SPTBN1: variants seen among roughly 807,000 people sequenced by gnomAD.
The protein encoded by SPTBN1 is spectrin beta chain, non-erythrocytic 1.
In SPTBN1, 32 loss-of-function variants were observed where a neutral mutation model predicts 266.4. The observed-to-expected ratio is 0.12, with a 90% CI of 0.09 to 0.16. The LOEUF is 0.16. Ranked by LOEUF, SPTBN1 falls within the 10% of genes least tolerant of loss-of-function variation. The probability of loss-of-function intolerance (pLI) is 1.00; values close to 1 mark genes in which losing one functional copy is unlikely to be tolerated. For synonymous variants in SPTBN1, 1,336 were observed against 1,162.2 expected (o/e 1.15, Z -3.04); for missense variants, 2,296 against 3,067.1 (o/e 0.75, Z 5.94).
intron 1 of SPTBN1, among the ~76,000 whole-genome samples, chr2:54,507,283 C>T (rs1043513063): frequency 2.0e-5 from 3 of 151,852 alleles, no homozygotes; most frequent in Admixed American, 1.3e-4. Context: ...AGCTTGGGCT[C>T]AGAGGCCTGA....
At chr2:54,584,086 G>A (rs1675124661) in intron 2 of SPTBN1, among the ~76,000 whole-genome samples, 1 of 152,120 alleles carries the variant, frequency 6.6e-6, no homozygotes, top group Admixed American at 6.6e-5. Context: ...TTTTTATGCA[G>A]TTACTTACAT....
chr2:54,575,920 C>G (rs1243081611), intron 2 of SPTBN1, among the ~76,000 whole-genome samples: 1 of 152,084 alleles, frequency 6.6e-6, no homozygotes, highest in East Asian at 1.9e-4. Flanking sequence ...ACCTGTAGTA[C>G]GAGAAACATG....
chr2:54,542,666 C>A (rs1174866361), intron 2 of SPTBN1, among the ~76,000 whole-genome samples: 1 of 152,134 alleles, frequency 6.6e-6, no homozygotes, highest in Non-Finnish European at 1.5e-5. Context: ...TTTTAGGGGA[C>A]TGTTGTGTTC....
Position 54,660,533 on chromosome 2 carries a change from C to T in SPTBN1, c.6420+534C>T, listed in dbSNP as rs17046095. 2.1e-3 allele frequency: 2,059 copies of T among 986,044 alleles called. 46 individuals carry two copies. The African/African-American group carries it at 0.034, about 16-fold the overall frequency. The allele number at this position is 986,044 out of a possible 1,614,324, so 61.1% of individuals were successfully genotyped here. On this transcript the variant is annotated intron_variant, in intron 32 of 35. Transcript: ENST00000356805. Reference sequence around the variant, plus strand: ...ACTGGTGTATGAGGAGGGAGACATTCTGTAATAAGATTAAAACCTAAAGTC... The same window carrying T: ...ACTGGTGTATGAGGAGGGAGACATTTTGTAATAAGATTAAAACCTAAAGTC...
chr2:54,618,044 G>T, intron 6 of SPTBN1, 34 bp from the exon 7 acceptor site: 3 of 1,535,600 alleles, frequency 2.0e-6, no homozygotes, highest in South Asian at 2.3e-5. Context: ...TTCAAGCCAT[G>T]ATTTTTGTTG....
chr2:54,648,376 A>AG (rs1680054585), intron 24 of SPTBN1, among the ~76,000 whole-genome samples: 1 of 152,062 alleles, frequency 6.6e-6, no homozygotes, highest in African/African-American at 2.4e-5. Flanking sequence ...AGTTGGAGGG[A>AG]GGGGGATTCA....
At position 54,625,231 on chromosome 2, in the gene SPTBN1, A is replaced by T. The variant is rs549967492; in HGVS notation, c.1341+269A>T. Among the ~76,000 whole-genome samples the T allele has an allele frequency of 3.3e-5, 5 of 152,324 alleles. No individual in the cohort carries two copies. The South Asian group carries it at 6.2e-4, about 19-fold the overall frequency. On this transcript the variant is annotated intron_variant, in intron 11 of 35. Transcript: ENST00000356805. ...TGTGTGTGAACTGTTCACATTTATA[A>T]GTTTTAACAGTTTCTCTCTTTTCTT...
chr2:54,614,751 C>A (rs188405146), intron 4 of SPTBN1, among the ~76,000 whole-genome samples: 1 of 150,090 alleles, frequency 6.7e-6, no homozygotes, highest in Admixed American at 6.7e-5. Context: ...TGCAGTGAGC[C>A]GAGATCACAC....
Position 54,653,750 on chromosome 2 carries a change from C to A in SPTBN1, c.5719C>A (p.Leu1907Met). 1.2e-6 allele frequency: 2 copies of A among 1,614,216 alleles called. No individual in the cohort carries two copies. The highest frequency in any genetic ancestry group is 1.7e-6 in the Non-Finnish European group (2 of 1,180,028). The change falls in exon 27 of 36, where the codon CTG becomes ATG. Residue 1907 changes from leucine to methionine, a missense_variant. Leu to Met is a conservative substitution (Grantham distance 15). Coordinates refer to ENST00000356805, the MANE Select transcript of SPTBN1 (RefSeq NM_003128.3). This position sits in a 1 kb window ranked among gnomAD's most constrained non-coding sequence, Gnocchi z 5.1. ...LDACESRRVR[L>M]VDTGDKFRFF... Reference sequence around the variant, plus strand: ...CGCCTGTGAGAGCCGCAGGGTGCGGCTGGTGGACACAGGGGACAAGTTCCG... The same window carrying A: ...CGCCTGTGAGAGCCGCAGGGTGCGGATGGTGGACACAGGGGACAAGTTCCG...
intron 2 of SPTBN1, among the ~76,000 whole-genome samples, chr2:54,572,921 C>G (rs1674186270): frequency 6.6e-6 from 1 of 152,126 alleles, no homozygotes; most frequent in Non-Finnish European, 1.5e-5. Context: ...ACCCACGGCC[C>G]AGGAGCAGTG....
At chr2:54,543,840 G>A (rs72806603) in intron 2 of SPTBN1, among the ~76,000 whole-genome samples, 22 of 152,260 alleles carry the variant, frequency 1.4e-4, no homozygotes, top group Non-Finnish European at 2.5e-4. Flanking sequence ...AGTGGGAGAT[G>A]CATGTTCTTT....
At chr2:54,660,922 T>C in intron 32 of SPTBN1, 1 of 985,414 alleles carries the variant, frequency 1.0e-6, no homozygotes, top group Non-Finnish European at 1.2e-6. Context: ...GCCTCTCCAT[T>C]CAGCCGATGA....
chr2:54,458,286 TA>T (rs1573188603), intron 1 of SPTBN1, among the ~76,000 whole-genome samples: 2 of 152,362 alleles, frequency 1.3e-5, no homozygotes, highest in East Asian at 3.9e-4. Flanking sequence ...TAGGTTGTTT[TA>T]AAAGGAATTT....
chr2:54,629,378 G>T lies in SPTBN1; in HGVS notation c.2244G>T (p.Gln748His). The T allele has an allele frequency of 6.2e-7, 1 of 1,614,178 alleles. No individual in the cohort carries two copies. The highest frequency in any genetic ancestry group is 8.5e-7 in the Non-Finnish European group (1 of 1,180,048). Reference sequence around the variant, plus strand: ...TGGAGGAGGCCTCCCTGCTGCACCAGTTCCAGGCAGATGCTGATGACATTG... The same window carrying T: ...TGGAGGAGGCCTCCCTGCTGCACCATTTCCAGGCAGATGCTGATGACATTG... ...KRLEEASLLH[Q>H]FQADADDIDA... is the part of the protein sequence containing the mutation. The change falls in exon 14 of 36, where the codon CAG becomes CAT. Residue 748 changes from glutamine (Q) to histidine (H), a missense_variant. Coordinates refer to ENST00000356805, the MANE Select transcript of SPTBN1 (RefSeq NM_003128.3).
At chr2:54,481,337 C>T (rs1418323450) in intron 1 of SPTBN1, among the ~76,000 whole-genome samples, 1 of 151,444 alleles carries the variant, frequency 6.6e-6, no homozygotes, top group Admixed American at 6.6e-5. Flanking sequence ...CCCTGAAGGG[C>T]ATGGCATGCC....
chr2:54,647,358 A>C (rs991167168), intron 24 of SPTBN1, 97 bp downstream of exon 24: 156 of 1,512,884 alleles, frequency 1.0e-4, no homozygotes, highest in Non-Finnish European at 1.3e-4. Flanking sequence ...AGCATTCATC[A>C]TGACTTGCTG....
At chr2:54,502,730 G>A (rs1399934793) in intron 1 of SPTBN1, among the ~76,000 whole-genome samples, 1 of 152,186 alleles carries the variant, frequency 6.6e-6, no homozygotes, top group African/African-American at 2.4e-5. Flanking sequence ...AATGGACAGT[G>A]AAAGCAAGGT....
At chr2:54,471,673 A>C (rs1693925547) in intron 1 of SPTBN1, among the ~76,000 whole-genome samples, 1 of 152,144 alleles carries the variant, frequency 6.6e-6, no homozygotes, top group Admixed American at 6.5e-5. Context: ...TGTGACAAGC[A>C]CTAATGCAGC....
intron 1 of SPTBN1, among the ~76,000 whole-genome samples, chr2:54,503,356 GT>G (rs1669375993): frequency 6.6e-6 from 1 of 152,162 alleles, no homozygotes. Flanking sequence ...TGCTCATCTG[GT>G]TAGTGGCTTT....
Sources: gnomAD v4.1 joint callset for allele counts (sites outside exome capture counted in the v4.1 genomes callset) on GRCh38, gnomAD v4.1.1 for gene constraint, Gnocchi (gnomAD v3.1) non-coding constraint, MANE v1.5 for transcripts, NCBI Gene and HGNC (gene_info 2026-07-23, HGNC 2026-07-21) for gene names.